The following WWOX variants were observed in gnomAD, a reference collection of about 807,000 sequenced individuals.
The protein encoded by WWOX is WW domain containing oxidoreductase.
A neutral mutation model predicts 46.2 loss-of-function variants in WWOX; 69 were observed. The ratio of observed to expected loss-of-function variants is 1.49; its 90% CI spans 1.23 to 1.82. The LOEUF is 1.82. Among genes scored for constraint, WWOX ranks in the 40% most tolerant of loss-of-function variants. The pLI is 0.00. For synonymous variants in WWOX, 359 were observed against 202.6 expected (o/e 1.77, Z -6.56); for missense variants, 919 against 542.6 (o/e 1.69, Z -6.89).
chr16:78,553,780 G>C (rs1051077226), intron 8 of WWOX, among the ~76,000 whole-genome samples: 1 of 152,004 alleles, frequency 6.6e-6, no homozygotes, highest in Non-Finnish European at 1.5e-5. Flanking sequence ...GTGCCAATGA[G>C]TGTGGCCCTG....
chr16:78,599,332 C>T (rs548220653), intron 8 of WWOX, among the ~76,000 whole-genome samples: 2 of 152,320 alleles, frequency 1.3e-5, no homozygotes, highest in East Asian at 3.9e-4. Flanking sequence ...AGACATTGAA[C>T]TGAATCTCCA....
intron 8 of WWOX, among the ~76,000 whole-genome samples, chr16:78,861,433 A>G (rs1021357702): frequency 3.3e-5 from 5 of 152,208 alleles, no homozygotes; most frequent in Admixed American, 1.3e-4. Flanking sequence ...CCATGAGTCT[A>G]CCATCCAGAT....
At chr16:78,997,178 A>AG (rs1264524556) in intron 8 of WWOX, among the ~76,000 whole-genome samples, 1 of 152,052 alleles carries the variant, frequency 6.6e-6, no homozygotes, top group African/African-American at 2.4e-5. Flanking sequence ...CCGGGGGAAG[A>AG]GGAGGAGGAG....
In WWOX at chr16:78,633,793, C is replaced by T. The variant is rs570172589; in HGVS notation, c.1056+201041C>T. ...CTCCAGGCTGTGGTGTGCGGTGCAA[C>T]CCGGGCTGTGTTCCCGAGTGCATCA... is the stretch of plus-strand genomic sequence containing the variant. On this transcript the variant is annotated intron_variant, in intron 8 of 8. Coordinates refer to ENST00000566780, the MANE Select transcript of WWOX (RefSeq NM_016373.4). 1.3e-3 allele frequency among the ~76,000 whole-genome samples: 204 copies of T among 152,306 alleles called. 1 individual carries two copies. Among genetic ancestry groups the T allele is most frequent in the African/African-American group, 4.7e-3 (195 of 41,562 alleles).
chr16:79,093,684 C>T (rs956120021), intron 8 of WWOX, among the ~76,000 whole-genome samples: 5 of 152,174 alleles, frequency 3.3e-5, no homozygotes, highest in Non-Finnish European at 1.5e-5. Context: ...GAGGCACAGG[C>T]AGTGCTTCAG....
intron 8 of WWOX, among the ~76,000 whole-genome samples, chr16:79,095,282 C>T (rs1287072469): frequency 6.6e-6 from 1 of 152,100 alleles, no homozygotes; most frequent in Non-Finnish European, 1.5e-5. Context: ...AAAAATGGAC[C>T]CTGCATTTAT....
rs59517997 is a variant in WWOX, at chr16:78,181,170, G to A, written c.516+16881G>A. On this transcript the variant is annotated intron_variant, in intron 5 of 8. Coordinates refer to ENST00000566780, the MANE Select transcript of WWOX (RefSeq NM_016373.4). ...CGCAGACACACGAAGGGGAGGTGGAGACACGGAGGAGGGACAGAAAGACAG... is the reference window on the plus strand; with the variant it reads ...CGCAGACACACGAAGGGGAGGTGGAAACACGGAGGAGGGACAGAAAGACAG... 6.0e-3 allele frequency among the ~76,000 whole-genome samples: 918 copies of A among 152,186 alleles called. 8 individuals are homozygous for A. Among genetic ancestry groups the A allele is most frequent in the African/African-American group, 0.021 (885 of 41,508 alleles).
chr16:78,184,308 G>A (rs2035626645), intron 5 of WWOX, among the ~76,000 whole-genome samples: 1 of 152,006 alleles, frequency 6.6e-6, no homozygotes, highest in Non-Finnish European at 1.5e-5. Context: ...GGTGGGCTGG[G>A]GTAGGCAAGG....
Position 78,345,639 on chromosome 16 carries a change from CAAAAAAAAAAA to C in WWOX, c.517-41207_517-41197del, listed in dbSNP as rs1193432164. On this transcript the variant is annotated intron_variant, in intron 5 of 8. Transcript: ENST00000566780. ...TGGGTGGCAGAGCAAGACCCTGTCT[CAAAAAAAAAAA>C]AAAAAAAAAAAAAGTAAAATAAAGC... Among the ~76,000 whole-genome samples the C allele has an allele frequency of 8.0e-5, 2 of 25,016 alleles. 1 individual carries two copies. Among genetic ancestry groups the C allele is most frequent in the Non-Finnish European group, 1.9e-4 (2 of 10,378 alleles). The allele number at this position is 25,016 out of a possible 152,430, so 16.4% of individuals were successfully genotyped here.
chr16:78,827,734 G>C (rs1035062116), intron 8 of WWOX, among the ~76,000 whole-genome samples: 2 of 152,140 alleles, frequency 1.3e-5, no homozygotes, highest in Non-Finnish European at 1.5e-5. Flanking sequence ...CCAGCTACTT[G>C]GGAGGCTAAG....
At chr16:78,731,941 G>T (rs1329085945) in intron 8 of WWOX, among the ~76,000 whole-genome samples, 1 of 149,134 alleles carries the variant, frequency 6.7e-6, no homozygotes, top group African/African-American at 2.5e-5. Context: ...TTGAACTCTG[G>T]GCTCAATTGA....
intron 5 of WWOX, among the ~76,000 whole-genome samples, chr16:78,215,656 G>A (rs140220872): frequency 0.029 from 4,372 of 152,144 alleles, 198 homozygotes; most frequent in African/African-American, 0.095. Context: ...GGTTGGGCAC[G>A]GTGGCTCATG....
chr16:78,683,610 T>A (rs2047782771), intron 8 of WWOX, among the ~76,000 whole-genome samples: 1 of 151,860 alleles, frequency 6.6e-6, no homozygotes, highest in Non-Finnish European at 1.5e-5. Flanking sequence ...CTTTGTTGCC[T>A]AGGCTGGTCT....
At chr16:78,574,388 TAC>T (rs894096952) in intron 8 of WWOX, among the ~76,000 whole-genome samples, 8 of 152,278 alleles carry the variant, frequency 5.3e-5, no homozygotes, top group African/African-American at 1.7e-4. Flanking sequence ...GGGGCCACCT[TAC>T]AGTCTATCAG....
intron 8 of WWOX, among the ~76,000 whole-genome samples, chr16:78,708,867 A>AC (rs998030704): frequency 1.3e-5 from 2 of 152,240 alleles, no homozygotes; most frequent in African/African-American, 4.8e-5. Context: ...TATGCAAAGG[A>AC]CCCTCAGTAT....
At chr16:78,509,553 A>G (rs191684393) in intron 8 of WWOX, among the ~76,000 whole-genome samples, 1 of 152,242 alleles carries the variant, frequency 6.6e-6, no homozygotes, top group African/African-American at 2.4e-5. Flanking sequence ...TGTTGTGTCT[A>G]TACGGTGGAG....
intron 8 of WWOX, among the ~76,000 whole-genome samples, chr16:78,888,654 C>A (rs951590539): frequency 7.2e-5 from 11 of 152,094 alleles, no homozygotes; most frequent in African/African-American, 2.4e-4. Context: ...TTTATGTTGC[C>A]ACTAGGAGTC....
intron 5 of WWOX, among the ~76,000 whole-genome samples, chr16:78,235,885 T>C (rs1219450981): frequency 6.6e-6 from 1 of 152,194 alleles, no homozygotes; most frequent in African/African-American, 2.4e-5. Flanking sequence ...AGAGGGGCTG[T>C]AGCATAGCAG....
rs552064629 is a variant in WWOX at position 78,166,285 on chromosome 16, C to G, written c.516+1996C>G. The stretch of plus-strand genomic sequence containing the variant: ...GTGCTTATGCTATAACCAGTCTTCC[C>G]TTTGGTGGCCATTTAGGTTGTTTGC... On this transcript the variant is annotated intron_variant, in intron 5 of 8. Transcript: ENST00000566780. Among the ~76,000 whole-genome samples, 4 of 151,836 alleles carry G rather than the reference C, an allele frequency of 2.6e-5. No homozygotes were observed. The East Asian group carries it at 5.8e-4, about 22-fold the overall frequency.
Sources: gnomAD v4.1 joint callset for allele counts (sites outside exome capture counted in the v4.1 genomes callset) on GRCh38, gnomAD v4.1.1 for gene constraint, MANE v1.5 for transcripts, NCBI Gene and HGNC (gene_info 2026-07-23, HGNC 2026-07-21) for gene names.